Variants in ANAPC5 observed in about 807,000 individuals in gnomAD.
ANAPC5 encodes anaphase-promoting complex subunit 5.
A neutral mutation model predicts 91.3 loss-of-function variants in ANAPC5; 60 were observed. The ratio of observed to expected loss-of-function variants is 0.66; its 90% CI spans 0.53 to 0.81. ANAPC5 has a LOEUF of 0.81. Among genes scored for constraint, ANAPC5 ranks in the 40% least tolerant of loss-of-function variants. The pLI is 0.00. For missense variants in ANAPC5, 690 were observed against 931.5 expected (o/e 0.74, Z 3.37); for synonymous variants, 340 against 364.1 (o/e 0.93, Z 0.75).
intron 9 of ANAPC5, among the ~76,000 whole-genome samples, chr12:121,330,064 CTTG>C (rs1415285621): frequency 1.3e-5 from 2 of 152,176 alleles, no homozygotes; most frequent in African/African-American, 2.4e-5. Context: ...GATCAGCAAA[CTTG>C]TTGTGTAAAG....
At chr12:121,312,518 C>G (rs770303493) in intron 15 of ANAPC5, among the ~76,000 whole-genome samples, 22 of 150,986 alleles carry the variant, frequency 1.5e-4, no homozygotes, top group Admixed American at 3.3e-4. Flanking sequence ...CATCCTAACA[C>G]GATGAAACCC....
rs577000794 is a variant in ANAPC5 at position 121,352,355 on chromosome 12, A to T, written c.-15T>A. On this transcript the variant is annotated 5_prime_UTR_variant, in exon 1 of 17. Transcript: ENST00000261819. ...ACGCTGGCCATGGCGGCCCGAGACT[A>T]AGTCTCGGGCCCGCGGCGCGCTGCC... The T allele has an allele frequency of 4.1e-4, 651 of 1,581,634 alleles. 1 individual carries two copies. The African/African-American group carries it at 7.4e-3, about 18-fold the overall frequency.
intron 15 of ANAPC5, among the ~76,000 whole-genome samples, chr12:121,316,686 TTG>T (rs1566180132): frequency 7.0e-6 from 1 of 142,208 alleles, no homozygotes; most frequent in Non-Finnish European, 1.5e-5. Context: ...TGAGCCGAGA[TTG>T]CACCACTGCA....
Position 121,352,362 on chromosome 12 carries a change from G to C in ANAPC5, c.-22C>G, listed in dbSNP as rs782587988. 4 of 1,572,712 alleles carry C rather than the reference G, an allele frequency of 2.5e-6. No homozygotes were observed. The highest frequency in any genetic ancestry group is 3.5e-6 in the Non-Finnish European group (4 of 1,155,868). On this transcript the variant is annotated 5_prime_UTR_variant, in exon 1 of 17. Transcript: ENST00000261819. ...CCATGGCGGCCCGAGACTAAGTCTC[G>C]GGCCCGCGGCGCGCTGCCGCCAGTT...
intron 5 of ANAPC5, among the ~76,000 whole-genome samples, chr12:121,338,523 A>G (rs1395538807): frequency 6.6e-6 from 1 of 152,078 alleles, no homozygotes; most frequent in African/African-American, 2.4e-5. Context: ...CGGGAGGCAG[A>G]GATTACAGTG....
At chr12:121,318,162 G>A (rs952399624) in intron 15 of ANAPC5, 115 bp downstream of exon 15, 2 of 1,263,016 alleles carry the variant, frequency 1.6e-6, no homozygotes, top group African/African-American at 3.1e-5. Flanking sequence ...TACCTTTCCA[G>A]ACGTCAATAT....
Position 121,345,923 on chromosome 12 carries a change from G to A in ANAPC5, c.506C>T (p.Thr169Ile), listed in dbSNP as rs1214277126. 5 of 1,614,070 alleles carry A rather than the reference G, an allele frequency of 3.1e-6. No homozygotes were observed. Among genetic ancestry groups the A allele is most frequent in the Non-Finnish European group, 4.2e-6 (5 of 1,180,006 alleles). Residue 169 changes from threonine to isoleucine, a missense_variant, in exon 4 of 17, where the codon ACA (threonine) becomes ATA (isoleucine). Thr to Ile is a moderately conservative substitution (Grantham distance 89). Around this residue, in one of 5 missense-constraint regions of ANAPC5, gnomAD observed 238 missense variants for 264.9 expected, o/e 0.90. Coordinates refer to ENST00000261819, the MANE Select transcript of ANAPC5 (RefSeq NM_016237.5). ...QQYFQNGEKKTVEDADMELTS... is the reference protein window; with the variant it reads ...QQYFQNGEKKIVEDADMELTS... ...CAGTTCCATATCAGCATCCTCCACT[G>A]TCTTTTTCTCACCATTCTGGAAGTA...
chr12:121,353,523 C>CTCTA (rs1467323447), upstream of ANAPC5, among the ~76,000 whole-genome samples: 4 of 152,196 alleles, frequency 2.6e-5, no homozygotes, highest in East Asian at 7.7e-4. Context: ...TCACTGCAAG[C>CTCTA]TCTACCTCCC....
chr12:121,348,366 T>C (rs1459078198), intron 1 of ANAPC5, among the ~76,000 whole-genome samples: 4 of 152,194 alleles, frequency 2.6e-5, no homozygotes, highest in African/African-American at 9.7e-5. Flanking sequence ...CTGAAGTCTA[T>C]AAAGAGTATG....
At chr12:121,320,519 C>A (rs1363519378) in intron 11 of ANAPC5, 60 bp from the exon 12 acceptor site, 1 of 1,428,562 alleles carries the variant, frequency 7.0e-7, no homozygotes, top group African/African-American at 1.4e-5. Flanking sequence ...ACCTGCTGTA[C>A]CATGCACAGA....
Position 121,342,730 on chromosome 12 carries a change from G to A in ANAPC5, c.591-661C>T, listed in dbSNP as rs1421755075. ...AAAAATTAGCCAAGTGTGGTAGTGCGTGCCTGTAGTCCCAGCTACTCAGGA... is the reference window on the plus strand; with the variant it reads ...AAAAATTAGCCAAGTGTGGTAGTGCATGCCTGTAGTCCCAGCTACTCAGGA... On this transcript the variant is annotated intron_variant, in intron 4 of 16. Transcript: ENST00000261819. The surrounding 1 kb of genome is among the most constrained non-coding windows in gnomAD (Gnocchi z 4.1). 7.2e-5 allele frequency among the ~76,000 whole-genome samples: 11 copies of A among 152,074 alleles called. No individual in the cohort carries two copies. The highest frequency in any genetic ancestry group is 1.9e-4 in the African/African-American group (8 of 41,418).
rs1903030258 is a variant in ANAPC5 at position 121,331,180 on chromosome 12, G to T, written c.1032+167C>A. Reference sequence around the variant, plus strand: ...AAACAGATGTCATGAATTAAGAAAGGTAAGTAAAGATAAGTTGCCCTTTCT... The same window carrying T: ...AAACAGATGTCATGAATTAAGAAAGTTAAGTAAAGATAAGTTGCCCTTTCT... On this transcript the variant is annotated intron_variant, in intron 8 of 16. Transcript: ENST00000261819. 5.4e-6 allele frequency: 3 copies of T among 553,156 alleles called. No homozygotes were observed. The Admixed American group carries it at 9.0e-5, about 17-fold the overall frequency. 34.3% of individuals were successfully genotyped at this position (553,156 alleles called of 1,614,324 possible).
chr12:121,313,080 C>A (rs1412392031), intron 15 of ANAPC5, among the ~76,000 whole-genome samples: 2 of 152,192 alleles, frequency 1.3e-5, no homozygotes, highest in Non-Finnish European at 2.9e-5. Flanking sequence ...AATCCCAGCA[C>A]TTTGGGAGGC....
intron 15 of ANAPC5, among the ~76,000 whole-genome samples, chr12:121,317,570 GA>G (rs929069076): frequency 3.9e-4 from 56 of 142,368 alleles, no homozygotes; most frequent in Admixed American, 2.2e-3. Context: ...TTTATCTCAA[GA>G]AAAAAAAAAA....
intron 15 of ANAPC5, among the ~76,000 whole-genome samples, chr12:121,316,754 A>G (rs1019616971): frequency 2.0e-5 from 3 of 151,014 alleles, no homozygotes; most frequent in Non-Finnish European, 4.4e-5. Context: ...AAAAAAAAAA[A>G]AAAGAAAACA....
chr12:121,338,236 T>A (rs1209213498), intron 5 of ANAPC5, among the ~76,000 whole-genome samples: 1 of 152,110 alleles, frequency 6.6e-6, no homozygotes, highest in Non-Finnish European at 1.5e-5. Flanking sequence ...ATAATTTCTT[T>A]AAAAAAAATT....
In ANAPC5 at chr12:121,346,990, A is replaced by G. The variant is rs376863108; in HGVS notation, c.303T>C (p.Ala101=). The change falls in exon 3 of 17, where the codon GCT becomes GCC. Residue 101 remains alanine, a synonymous_variant. Coordinates refer to ENST00000261819, the MANE Select transcript of ANAPC5 (RefSeq NM_016237.5). ...GTTCCATATCCTTCAACTCGCCTTC[A>G]GCCATCAGTTTGATTCTGAATGAGA... is the stretch of plus-strand genomic sequence containing the variant. The part of the protein sequence containing the change: ...NSVQIRIKLM[A]EGELKDMEQF... 3.1e-6 allele frequency: 5 copies of G among 1,609,098 alleles called. No homozygotes were observed. In the African/African-American group the frequency reaches 6.7e-5, roughly 22 times the overall value.
Position 121,318,335 on chromosome 12 carries a change from T to C in ANAPC5, c.1835A>G (p.Lys612Arg), listed in dbSNP as rs1902452678. 10 of 1,606,728 alleles carry C rather than the reference T, an allele frequency of 6.2e-6. No homozygotes were observed. The highest frequency in any genetic ancestry group is 1.3e-5 in the African/African-American group (1 of 74,654). ...PMLLQALALS[K>R]EYRLQYLASE... ...GGCCAAGTACTGTAACCGGTACTCCTTGGAGAGGGCCAGAGCCTGCAGGAG... is the reference window on the plus strand; with the variant it reads ...GGCCAAGTACTGTAACCGGTACTCCCTGGAGAGGGCCAGAGCCTGCAGGAG... Residue 612 changes from lysine to arginine, a missense_variant, in exon 15 of 17, where the codon AAG becomes AGG. This residue lies in a region of ANAPC5 where 317 missense variants were observed against 438.7 expected (regional missense o/e 0.72). Transcript: ENST00000261819.
intron 7 of ANAPC5, 106 bp from the exon 8 acceptor site, chr12:121,331,534 G>T: frequency 3.4e-6 from 3 of 871,990 alleles, no homozygotes; most frequent in Non-Finnish European, 5.3e-6. Context: ...AGGTCTCTGG[G>T]TTGGAAGCTG....
Sources: allele counts gnomAD v4.1 joint callset (sites outside exome capture counted in the v4.1 genomes callset), GRCh38; gene constraint gnomAD v4.1.1; regional missense constraint gnomAD v4.1.1; non-coding constraint Gnocchi (gnomAD v3.1); transcripts MANE v1.5; gene names NCBI Gene and HGNC (gene_info 2026-07-23, HGNC 2026-07-21).